ATOH8: variants seen among roughly 807,000 people sequenced by gnomAD.
The protein encoded by ATOH8 is transcription factor ATOH8.
A neutral mutation model predicts 21.2 loss-of-function variants in ATOH8; 9 were observed. That is an observed-to-expected ratio of 0.42 (90% confidence interval 0.26 to 0.74). The LOEUF (loss-of-function observed/expected upper bound fraction) is 0.74. Ranked by LOEUF, ATOH8 falls within the 30% of genes least tolerant of loss-of-function variation. ATOH8 has a pLI of 0.24. For missense variants in ATOH8, 524 were observed against 470.9 expected (o/e 1.11, Z -1.04); for synonymous variants, 253 against 224.0 (o/e 1.13, Z -1.16).
In ATOH8 at chr2:85,788,482, C is replaced by A. The variant is rs1196568949; in HGVS notation, c.*1592C>A. Among the ~76,000 whole-genome samples the A allele has an allele frequency of 6.6e-6, 1 of 152,174 alleles. No individual in the cohort carries two copies. Among genetic ancestry groups the A allele is most frequent in the Non-Finnish European group, 1.5e-5 (1 of 68,038 alleles). On this transcript the variant is annotated 3_prime_UTR_variant, in exon 3 of 3. Transcript: ENST00000306279. ...CTGTGCTCTCAAACCTTTTCCAGCC[C>A]CATCACCAGTCCCAGCCCAAAGTCT...
Position 85,791,161 on chromosome 2 carries a change from G to T in ATOH8, c.*4271G>T, listed in dbSNP as rs1680758550. On this transcript the variant is annotated 3_prime_UTR_variant, in exon 3 of 3. Coordinates refer to ENST00000306279, the MANE Select transcript of ATOH8 (RefSeq NM_032827.7). ...CCCGGACCCCAGACAAACTATGCCT[G>T]CCTCCCTGAAGCCAGGCATCCTGAG... is the stretch of plus-strand genomic sequence containing the variant. 6.6e-6 allele frequency among the ~76,000 whole-genome samples: 1 copy of T among 152,082 alleles called. No individual in the cohort carries two copies. The highest frequency in any genetic ancestry group is 1.5e-5 in the Non-Finnish European group (1 of 68,026).
intron 2 of ATOH8, among the ~76,000 whole-genome samples, chr2:85,775,925 A>G (rs80003587): frequency 0.022 from 3,344 of 152,294 alleles, 145 homozygotes; most frequent in African/African-American, 0.076. Flanking sequence ...GAGCTTGCCC[A>G]GTCCTCACCA....
At chr2:85,760,009 G>A (rs574832940) in intron 1 of ATOH8, among the ~76,000 whole-genome samples, 3 of 152,306 alleles carry the variant, frequency 2.0e-5, no homozygotes, top group East Asian at 1.9e-4. Context: ...CTGAGGTCCT[G>A]TAAGCTTGTG....
intron 2 of ATOH8, among the ~76,000 whole-genome samples, chr2:85,784,684 TG>T: frequency 6.6e-6 from 1 of 152,202 alleles, no homozygotes; most frequent in Non-Finnish European, 1.5e-5. Context: ...CCCAAACTCA[TG>T]GAATGCCTCA....
At chr2:85,772,114 C>T (rs543944738) in intron 2 of ATOH8, among the ~76,000 whole-genome samples, 11 of 152,234 alleles carry the variant, frequency 7.2e-5, no homozygotes, top group Admixed American at 3.3e-4. Flanking sequence ...CCGGCTGCAG[C>T]GCAGTGCAGG....
chr2:85,773,152 C>G (rs1053519928), intron 2 of ATOH8: 1 of 299,328 alleles, frequency 3.3e-6, no homozygotes, highest in Admixed American at 4.9e-5. Context: ...TCTGGGAGAC[C>G]GGACACCATG....
chr2:85,782,992 C>T (rs1680536068), intron 2 of ATOH8, among the ~76,000 whole-genome samples: 1 of 152,202 alleles, frequency 6.6e-6, no homozygotes, highest in African/African-American at 2.4e-5. Flanking sequence ...CCTGGCCCAG[C>T]ATTTACTGAG....
At position 85,754,537 on chromosome 2, in the gene ATOH8, A is replaced by C. The variant is rs1167600992; in HGVS notation, c.348A>C (p.Ala116=). 2.8e-6 allele frequency: 4 copies of C among 1,429,954 alleles called. No individual in the cohort carries two copies. Among genetic ancestry groups the C allele is most frequent in the Non-Finnish European group, 3.6e-6 (4 of 1,103,568 alleles). 88.6% of individuals were successfully genotyped at this position (1,429,954 alleles called of 1,614,324 possible). ...DARKRCFALG[A]VGPGLPTPPP... Reference sequence around the variant, plus strand: ...GGAAACGCTGCTTCGCCCTAGGCGCAGTGGGGCCAGGACTCCCCACGCCGC... The same window carrying C: ...GGAAACGCTGCTTCGCCCTAGGCGCCGTGGGGCCAGGACTCCCCACGCCGC... The change falls in exon 1 of 3, where the codon GCA becomes GCC. Residue 116 remains alanine, a synonymous_variant. Transcript: ENST00000306279.
chr2:85,777,189 A>G (rs1680352203), intron 2 of ATOH8, among the ~76,000 whole-genome samples: 1 of 152,166 alleles, frequency 6.6e-6, no homozygotes, highest in Non-Finnish European at 1.5e-5. Context: ...TCAGAGCTAA[A>G]CTATAGAAAG....
rs1298646531 is a variant in ATOH8 at position 85,754,440 on chromosome 2, T to A, written c.251T>A (p.Val84Asp). The A allele has an allele frequency of 3.3e-6, 5 of 1,520,684 alleles. No homozygotes were observed. The allele number at this position is 1,520,684 out of a possible 1,614,324, so 94.2% of individuals were successfully genotyped here. The change falls in exon 1 of 3, where the codon GTT becomes GAT. Residue 84 changes from valine (V) to aspartate (D), a missense_variant. Transcript: ENST00000306279. ...VPVPVPVAPA[V>D]PPRGGTDTAG... ...GTGCCAGTCCCAGTGGCGCCGGCCGTTCCCCCAAGAGGGGGCACGGACACA... is the reference window on the plus strand; with the variant it reads ...GTGCCAGTCCCAGTGGCGCCGGCCGATCCCCCAAGAGGGGGCACGGACACA...
chr2:85,781,083 C>T (rs1462576153), intron 2 of ATOH8: 1 of 987,938 alleles, frequency 1.0e-6, no homozygotes, highest in Non-Finnish European at 1.2e-6. Flanking sequence ...CAAGGATGTC[C>T]AGGCTTGAGT....
At chr2:85,776,854 G>A (rs769210780) in intron 2 of ATOH8, among the ~76,000 whole-genome samples, 24 of 152,062 alleles carry the variant, frequency 1.6e-4, no homozygotes, top group African/African-American at 2.4e-4. Flanking sequence ...AGCCGTGACC[G>A]GGCATTGCTG....
intron 2 of ATOH8, among the ~76,000 whole-genome samples, chr2:85,768,912 CG>C (rs1254725389): frequency 6.6e-6 from 1 of 152,110 alleles, no homozygotes; most frequent in Non-Finnish European, 1.5e-5. Context: ...GAGAGACGGG[CG>C]GGAGGCCTGG....
Position 85,764,177 on chromosome 2 carries a change from C to G in ATOH8, c.955C>G (p.Arg319Gly). The change falls in exon 2 of 3, where the codon CGC becomes GGC. Residue 319 changes from arginine (R) to glycine (G), a missense_variant. Transcript: ENST00000306279. ...GCAGGCCGAGGGACGTGCCAAGAAG[C>G]GCAAGGTATGCACCAGCTGGGTGGG... ...TLQAEGRAKKRKE is the reference protein window; with the variant it reads ...TLQAEGRAKKGKE 3.7e-6 allele frequency: 6 copies of G among 1,614,062 alleles called. No individual in the cohort carries two copies. The highest frequency in any genetic ancestry group is 5.1e-6 in the Non-Finnish European group (6 of 1,180,020).
intron 2 of ATOH8, among the ~76,000 whole-genome samples, chr2:85,782,368 G>A (rs1680517977): frequency 6.6e-6 from 1 of 152,104 alleles, no homozygotes; most frequent in Non-Finnish European, 1.5e-5. Flanking sequence ...ATAACTTAAA[G>A]GCAGATAAAA....
chr2:85,754,432 G>C lies in ATOH8; in HGVS notation c.243G>C (p.Ala81=). The C allele has an allele frequency of 6.5e-7, 1 of 1,527,494 alleles. No homozygotes were observed. Among genetic ancestry groups the C allele is most frequent in the Non-Finnish European group, 8.7e-7 (1 of 1,143,292 alleles). The allele number at this position is 1,527,494 out of a possible 1,614,324, so 94.6% of individuals were successfully genotyped here. A position where few individuals can be genotyped will look rare whatever the true frequency, so the allele number is the denominator to read the frequency against. ...CGGTGCCGGTGCCAGTCCCAGTGGC[G>C]CCGGCCGTTCCCCCAAGAGGGGGCA... ...PVPVPVPVPV[A]PAVPPRGGTD... is the part of the protein sequence containing the mutation. The change falls in exon 1 of 3, where the codon GCG becomes GCC. Residue 81 remains alanine (A), a synonymous_variant. Coordinates refer to ENST00000306279, the MANE Select transcript of ATOH8 (RefSeq NM_032827.7).
rs1002282264 is a variant in ATOH8 at position 85,786,564 on chromosome 2, G to A, written c.961-321G>A. Among the ~76,000 whole-genome samples the A allele has an allele frequency of 5.3e-5, 8 of 152,260 alleles. No individual in the cohort carries two copies. The South Asian group carries it at 1.7e-3, about 32-fold the overall frequency. On this transcript the variant is annotated intron_variant, in intron 2 of 2. Coordinates refer to ENST00000306279, the MANE Select transcript of ATOH8 (RefSeq NM_032827.7). The stretch of plus-strand genomic sequence containing the variant: ...GCCTCTGAGATCCCTCAGAGGGGTG[G>A]CCCTGGGGATTGTGGTGTCAGCCCC...
intron 1 of ATOH8, among the ~76,000 whole-genome samples, chr2:85,756,084 C>G (rs1679685216): frequency 6.6e-6 from 1 of 150,502 alleles, no homozygotes. Flanking sequence ...CTGTGTCCAT[C>G]CATGGAAAGG....
chr2:85,771,307 C>A (rs967341753), intron 2 of ATOH8, among the ~76,000 whole-genome samples: 14 of 152,198 alleles, frequency 9.2e-5, no homozygotes, highest in Non-Finnish European at 1.9e-4. Context: ...GATCCCCAGT[C>A]CTCTCATCTG....
Sources: allele counts gnomAD v4.1 joint callset (sites outside exome capture counted in the v4.1 genomes callset), GRCh38; gene constraint gnomAD v4.1.1; transcripts MANE v1.5; gene names NCBI Gene and HGNC (gene_info 2026-07-23, HGNC 2026-07-21).